The following WWOX variants were observed in gnomAD, a reference collection of about 807,000 sequenced individuals.
The protein encoded by WWOX is WW domain-containing oxidoreductase.
Under a neutral mutation model 46.2 loss-of-function variants are expected in WWOX, and 69 were observed. The ratio of observed to expected loss-of-function variants is 1.49; its 90% CI spans 1.23 to 1.82. The LOEUF (loss-of-function observed/expected upper bound fraction) is 1.82, where lower values mean the gene tolerates loss of function less well. Ranked by LOEUF, WWOX falls within the 40% of genes most tolerant of loss-of-function variation. The pLI, the probability that WWOX is intolerant of heterozygous loss-of-function variation, is 0.00. For missense variants in WWOX, 919 were observed against 542.6 expected (o/e 1.69, Z -6.89); for synonymous variants, 359 against 202.6 (o/e 1.77, Z -6.56).
At chr16:78,229,368 C>T (rs921051990) in intron 5 of WWOX, among the ~76,000 whole-genome samples, 3 of 150,820 alleles carry the variant, frequency 2.0e-5, no homozygotes, top group Admixed American at 2.0e-4. Flanking sequence ...TAAATATTTT[C>T]CATTCTTTTT....
In WWOX at chr16:78,660,724, G is replaced by C. The variant is rs567727274; in HGVS notation, c.1056+227972G>C. 2.0e-5 allele frequency among the ~76,000 whole-genome samples: 3 copies of C among 152,250 alleles called. No individual in the cohort carries two copies. The South Asian group carries it at 6.2e-4, about 32-fold the overall frequency. On this transcript the variant is annotated intron_variant, in intron 8 of 8. Coordinates refer to ENST00000566780, the MANE Select transcript of WWOX (RefSeq NM_016373.4). ...TTCATTCCCAGACCTCTCTCCAAAA[G>C]AGGCAGCCATCATTAAAAGTTTGTT...
chr16:79,072,941 A>T (rs2048579067), intron 8 of WWOX, among the ~76,000 whole-genome samples: 1 of 152,074 alleles, frequency 6.6e-6, no homozygotes, highest in South Asian at 2.1e-4. Flanking sequence ...TGTTTTCCCC[A>T]TTTGGACTCC....
At chr16:79,074,379 A>AATCTCATCCTGACTGAAAT (rs1555523038) in intron 8 of WWOX, among the ~76,000 whole-genome samples, 1 of 139,792 alleles carries the variant, frequency 7.2e-6, no homozygotes, top group Admixed American at 7.4e-5. Context: ...CTCAAAGCCG[A>AATCTCATCCTGACTGAAAT]ATCTCATCCT....
chr16:78,916,064 C>G (rs906116473), intron 8 of WWOX, among the ~76,000 whole-genome samples: 3 of 152,130 alleles, frequency 2.0e-5, no homozygotes, highest in Non-Finnish European at 4.4e-5. Flanking sequence ...TGTGCAGACA[C>G]GATGCTATCA....
At chr16:78,949,922 G>A (rs935694087) in intron 8 of WWOX, among the ~76,000 whole-genome samples, 1 of 152,100 alleles carries the variant, frequency 6.6e-6, no homozygotes, top group African/African-American at 2.4e-5. Flanking sequence ...ACTGTTTATT[G>A]TATTCCAGGT....
chr16:78,798,533 A>T (rs915738135), intron 8 of WWOX, among the ~76,000 whole-genome samples: 1 of 150,884 alleles, frequency 6.6e-6, no homozygotes, highest in Non-Finnish European at 1.5e-5. Context: ...GCATCTTATC[A>T]TTCACAAGCT....
chr16:78,412,923 C>T (rs1391099587), intron 6 of WWOX, among the ~76,000 whole-genome samples: 1 of 152,200 alleles, frequency 6.6e-6, no homozygotes. Flanking sequence ...TCTTCCCAGC[C>T]CTTGTCTTTT....
chr16:78,709,535 T>C (rs2048394628), intron 8 of WWOX, among the ~76,000 whole-genome samples: 1 of 152,104 alleles, frequency 6.6e-6, no homozygotes, highest in Non-Finnish European at 1.5e-5. Context: ...GCCTCTTCTC[T>C]TCATTAGAAC....
At chr16:78,571,620 G>A (rs1246782587) in intron 8 of WWOX, among the ~76,000 whole-genome samples, 1 of 152,098 alleles carries the variant, frequency 6.6e-6, no homozygotes, top group South Asian at 2.1e-4. Flanking sequence ...TGTTATCTCC[G>A]CACTTAAGGA....
intron 8 of WWOX, among the ~76,000 whole-genome samples, chr16:79,034,832 C>T (rs962112761): frequency 2.9e-4 from 44 of 152,014 alleles, no homozygotes; most frequent in African/African-American, 1.0e-3. Context: ...TCCAGTCTCC[C>T]GAGTAGTGTA....
In WWOX at chr16:79,031,861, T is replaced by C. The variant is rs571425457; in HGVS notation, c.1057-179747T>C. Among the ~76,000 whole-genome samples, 1,334 of 141,462 alleles carry C rather than the reference T, an allele frequency of 9.4e-3. 6 individuals carry two copies. Among genetic ancestry groups the C allele is most frequent in the South Asian group, 0.032 (144 of 4,510 alleles). 92.8% of individuals were successfully genotyped at this position (141,462 alleles called of 152,430 possible). ...TATATCTTATTATATATTATATATATAGATAGATATCTATATACAGATATC... is the reference window on the plus strand; with the variant it reads ...TATATCTTATTATATATTATATATACAGATAGATATCTATATACAGATATC... On this transcript the variant is annotated intron_variant, in intron 8 of 8. Coordinates refer to ENST00000566780, the MANE Select transcript of WWOX (RefSeq NM_016373.4).
intron 8 of WWOX, among the ~76,000 whole-genome samples, chr16:78,753,071 G>A (rs1231083469): frequency 6.6e-6 from 1 of 152,164 alleles, no homozygotes; most frequent in Non-Finnish European, 1.5e-5. Flanking sequence ...GAGGCGGGTG[G>A]ATCACCTGAG....
intron 8 of WWOX, among the ~76,000 whole-genome samples, chr16:78,690,717 G>A (rs939428084): frequency 2.6e-5 from 4 of 152,120 alleles, no homozygotes; most frequent in Non-Finnish European, 4.4e-5. Flanking sequence ...GTCACAGCCT[G>A]GATGCATGTA....
chr16:79,019,293 T>C (rs1395323460), intron 8 of WWOX, among the ~76,000 whole-genome samples: 3 of 150,592 alleles, frequency 2.0e-5, no homozygotes, highest in African/African-American at 7.3e-5. Flanking sequence ...TGGAACATCA[T>C]GGAGTGCACG....
chr16:78,703,647 G>GTTT (rs2048272517), intron 8 of WWOX, among the ~76,000 whole-genome samples: 1 of 151,530 alleles, frequency 6.6e-6, no homozygotes, highest in African/African-American at 2.4e-5. Context: ...TTGTTTGTTT[G>GTTT]GTTTTTTTTG....
chr16:79,140,021 C>T (rs530696448), intron 8 of WWOX, among the ~76,000 whole-genome samples: 1 of 152,334 alleles, frequency 6.6e-6, no homozygotes, highest in East Asian at 1.9e-4. Flanking sequence ...CTTTGCTGCG[C>T]TGTCAGCACC....
At chr16:78,922,073 A>C (rs2045391842) in intron 8 of WWOX, among the ~76,000 whole-genome samples, 1 of 152,188 alleles carries the variant, frequency 6.6e-6, no homozygotes, top group Admixed American at 6.5e-5. Context: ...GAATATTGTC[A>C]GACAGAGAAA....
chr16:78,760,602 C>T (rs557063208), intron 8 of WWOX, among the ~76,000 whole-genome samples: 28 of 152,274 alleles, frequency 1.8e-4, no homozygotes, highest in African/African-American at 6.5e-4. Flanking sequence ...CTGTGTCTCC[C>T]CTCCAAGAAC....
At chr16:78,745,037 A>C (rs1035649889) in intron 8 of WWOX, among the ~76,000 whole-genome samples, 7 of 152,168 alleles carry the variant, frequency 4.6e-5, no homozygotes, top group African/African-American at 1.7e-4. Context: ...AGTGTTGGCC[A>C]GTGACGCCTG....
Sources: allele counts gnomAD v4.1 joint callset (sites outside exome capture counted in the v4.1 genomes callset), GRCh38; gene constraint gnomAD v4.1.1; transcripts MANE v1.5; gene names NCBI Gene and HGNC (gene_info 2026-07-23, HGNC 2026-07-21).